Variants in RP2 observed in about 807,000 individuals in gnomAD.
RP2 encodes the protein protein XRP2.
A neutral mutation model predicts 20.3 loss-of-function variants in RP2; 3 were observed. The ratio of observed to expected loss-of-function variants is 0.15; its 90% CI spans 0.07 to 0.38. RP2 has a LOEUF of 0.38. Among genes scored for constraint, RP2 ranks in the 10% least tolerant of loss-of-function variants. The pLI, the probability that RP2 is intolerant of heterozygous loss-of-function variation, is 1.00. For missense variants in RP2, 233 were observed against 268.5 expected (o/e 0.87, Z 0.92); for synonymous variants, 75 against 94.8 (o/e 0.79, Z 1.22).
chrX:46,875,770 T>G (rs574400329), intron 3 of RP2, among the ~76,000 whole-genome samples: 1 of 111,581 alleles, frequency 9.0e-6, no homozygotes. Flanking sequence ...ACATTGACCT[T>G]AATCCATTTC....
chrX:46,865,538 TGAGTC>T (rs1292634648), intron 3 of RP2, among the ~76,000 whole-genome samples: 1 of 111,806 alleles, frequency 8.9e-6, no homozygotes, highest in Non-Finnish European at 1.9e-5. Flanking sequence ...TCTTTGAAAA[TGAGTC>T]ACTAAGATCA....
chrX:46,846,850 A>C (rs1556316258), intron 1 of RP2, among the ~76,000 whole-genome samples: 1 of 110,678 alleles, frequency 9.0e-6, no homozygotes, highest in African/African-American at 3.3e-5. Flanking sequence ...CAGCCTCCCA[A>C]GTAGCTAGGA....
At chrX:46,879,574 T>C in intron 4 of RP2, 112 bp from the exon 5 acceptor site, 1 of 476,303 alleles carries the variant, frequency 2.1e-6, no homozygotes, top group Non-Finnish European at 3.7e-6. Flanking sequence ...AATGATGTAC[T>C]TGAACTTCTT....
intron 1 of RP2, among the ~76,000 whole-genome samples, chrX:46,839,158 T>C (rs966830001): frequency 6.2e-5 from 7 of 112,449 alleles, no homozygotes; most frequent in Admixed American, 4.7e-4. Flanking sequence ...TTTCCCAACA[T>C]AGCTTTTTCT....
intron 2 of RP2, among the ~76,000 whole-genome samples, chrX:46,858,644 AT>A (rs199798885): frequency 3.7e-5 from 4 of 108,445 alleles, no homozygotes; most frequent in Non-Finnish European, 5.7e-5. Context: ...CTAATTTTAA[AT>A]TTTTTTTTAT....
At chrX:46,848,969 G>A (rs184309132) in intron 1 of RP2, among the ~76,000 whole-genome samples, 1 of 108,390 alleles carries the variant, frequency 9.2e-6, no homozygotes, top group Admixed American at 9.9e-5. Flanking sequence ...GGTCGAGGCT[G>A]CAGTGAGCTG....
intron 2 of RP2, among the ~76,000 whole-genome samples, chrX:46,857,983 G>A (rs889103585): frequency 9.0e-6 from 1 of 111,692 alleles, no homozygotes; most frequent in African/African-American, 3.3e-5. Flanking sequence ...CATTGAATGA[G>A]GGTTCTGAAA....
chrX:46,838,957 T>C (rs145443424), intron 1 of RP2, among the ~76,000 whole-genome samples: 1,168 of 111,933 alleles, frequency 0.01, 12 homozygotes, highest in African/African-American at 0.035. Context: ...TAAGAGATGT[T>C]ATTGGATATA....
chrX:46,874,914 A>C (rs1196937657), intron 3 of RP2, among the ~76,000 whole-genome samples: 1 of 111,206 alleles, frequency 9.0e-6, no homozygotes, highest in Non-Finnish European at 1.9e-5. Flanking sequence ...TTGGGAAAGA[A>C]GCTTGGTCAA....
At chrX:46,846,959 C>CT (rs1489534026) in intron 1 of RP2, among the ~76,000 whole-genome samples, 2 of 111,750 alleles carry the variant, frequency 1.8e-5, no homozygotes, top group African/African-American at 6.5e-5. Flanking sequence ...AAACTCCTGG[C>CT]TTCAAGCGAT....
chrX:46,861,900 TAAACAA>T (rs1556320174), intron 3 of RP2, among the ~76,000 whole-genome samples: 1 of 111,749 alleles, frequency 8.9e-6, no homozygotes, highest in East Asian at 2.8e-4. Context: ...TCCATATTGT[TAAACAA>T]AAAGGGGAGA....
At chrX:46,878,392 AG>A (rs1380707437) in intron 4 of RP2, among the ~76,000 whole-genome samples, 1 of 109,817 alleles carries the variant, frequency 9.1e-6, no homozygotes, top group Non-Finnish European at 1.9e-5. Context: ...AAAAAAAAAA[AG>A]AAATCATCAC....
chrX:46,869,910 A>G (rs1290976203), intron 3 of RP2, among the ~76,000 whole-genome samples: 1 of 111,617 alleles, frequency 9.0e-6, no homozygotes, highest in Non-Finnish European at 1.9e-5. Flanking sequence ...CGCCTGGTGC[A>G]ATACATAACT....
At chrX:46,869,610 T>C (rs1378029306) in intron 3 of RP2, among the ~76,000 whole-genome samples, 1 of 98,789 alleles carries the variant, frequency 1.0e-5, no homozygotes, top group African/African-American at 3.7e-5. Context: ...TACATACTTT[T>C]TTTTTTTTTT....
At chrX:46,859,417 C>T (rs1925025747) in intron 2 of RP2, among the ~76,000 whole-genome samples, 2 of 106,410 alleles carry the variant, frequency 1.9e-5, no homozygotes, top group Admixed American at 1.0e-4. Flanking sequence ...TGAACCCAGG[C>T]GTTTGAGGCT....
intron 2 of RP2, among the ~76,000 whole-genome samples, chrX:46,856,508 A>G (rs1924961536): frequency 8.9e-6 from 1 of 112,488 alleles, no homozygotes; most frequent in African/African-American, 3.2e-5. Flanking sequence ...AAACAACTCT[A>G]TGAAATAGGT....
In RP2 at chrX:46,863,031, A is replaced by C. The variant is rs138025335; in HGVS notation, c.883+2929A>C. On this transcript the variant is annotated intron_variant, in intron 3 of 4. Coordinates refer to ENST00000218340, the MANE Select transcript of RP2 (RefSeq NM_006915.3). ...CTCTTCAGACAGTATAATGGAAAAC[A>C]AAAAATATGGGGGAATTATTCTGGA... Among the ~76,000 whole-genome samples the C allele has an allele frequency of 8.8e-3, 995 of 112,437 alleles. 15 individuals carry two copies. Among genetic ancestry groups the C allele is most frequent in the African/African-American group, 0.03 (934 of 30,971 alleles).
chrX:46,879,276 C>G (rs997606331), intron 4 of RP2, among the ~76,000 whole-genome samples: 3 of 109,135 alleles, frequency 2.7e-5, no homozygotes, highest in Non-Finnish European at 3.8e-5. Context: ...AATAATATAT[C>G]TTTAGCAGCT....
At chrX:46,847,454 C>T (rs1280325031) in intron 1 of RP2, among the ~76,000 whole-genome samples, 4 of 107,358 alleles carry the variant, frequency 3.7e-5, no homozygotes, top group African/African-American at 1.0e-4. Context: ...TTTTCTGAGA[C>T]GGAGTCTTGC....
Sources: allele counts gnomAD v4.1 joint callset (sites outside exome capture counted in the v4.1 genomes callset), GRCh38; gene constraint gnomAD v4.1.1; transcripts MANE v1.5; gene names NCBI Gene and HGNC (gene_info 2026-07-23, HGNC 2026-07-21).